DYNC2H1: variants seen among roughly 807,000 people sequenced by gnomAD.
The protein encoded by DYNC2H1 is cytoplasmic dynein 2 heavy chain 1.
In DYNC2H1, 410 loss-of-function variants were observed where a neutral mutation model predicts 570.0. The ratio of observed to expected loss-of-function variants is 0.72; its 90% CI spans 0.66 to 0.78. DYNC2H1 has a LOEUF of 0.78. Ranked by LOEUF, DYNC2H1 falls within the 30% of genes least tolerant of loss-of-function variation. DYNC2H1 has a pLI of 0.00. For missense variants in DYNC2H1, 4,865 were observed against 5,046.4 expected, an observed-to-expected ratio of 0.96 and a Z score of 1.09; for synonymous variants, 1,688 against 1,677.6, an observed-to-expected ratio of 1.01 and a Z score of -0.15.
chr11:103,414,438 G>A (rs1216028457), intron 84 of DYNC2H1, among the ~76,000 whole-genome samples: 1 of 152,094 alleles, frequency 6.6e-6, no homozygotes, highest in Non-Finnish European at 1.5e-5. Context: ...GACCAACATG[G>A]TGAAACCCTG....
chr11:103,405,652 G>A (rs1046673644), intron 84 of DYNC2H1: 1 of 152,008 alleles, frequency 6.6e-6, no homozygotes, highest in African/African-American at 2.4e-5. Context: ...TAATACAAAT[G>A]CGTGGGTTGT....
rs1248804601 is a variant in DYNC2H1 at position 103,465,338 on chromosome 11, A to G, written c.12649-3251A>G. Among the ~76,000 whole-genome samples the G allele has an allele frequency of 6.6e-6, 1 of 152,220 alleles. No homozygotes were observed. Among genetic ancestry groups the G allele is most frequent in the African/African-American group, 2.4e-5 (1 of 41,464 alleles). On this transcript the variant is annotated intron_variant, in intron 87 of 88. Coordinates refer to ENST00000375735, the MANE Select transcript of DYNC2H1 (RefSeq NM_001377.3). The surrounding 1 kb of genome is among the most constrained non-coding windows in gnomAD (Gnocchi z 4.9). ...GGAAAAATACAAGAAAGAAGAACTTAATGGTGAAAATGTCCTGTTTACATA... is the reference window on the plus strand; with the variant it reads ...GGAAAAATACAAGAAAGAAGAACTTGATGGTGAAAATGTCCTGTTTACATA...
In DYNC2H1 at chr11:103,255,547, C is replaced by T; in HGVS notation, c.10326+13C>T. The T allele has an allele frequency of 6.6e-7, 1 of 1,515,916 alleles. No individual in the cohort carries two copies. Among genetic ancestry groups the T allele is most frequent in the Non-Finnish European group, 8.8e-7 (1 of 1,135,464 alleles). 93.9% of individuals were successfully genotyped at this position (1,515,916 alleles called of 1,614,324 possible). On this transcript the variant is annotated intron_variant, in intron 67 of 88. Transcript: ENST00000375735. ...ATCTCTTCTAGAGGTAAAAGTCTAG[C>T]TATTTAGGTTACTTTTTTCGTATTA...
chr11:103,205,225 C>A lies in DYNC2H1; in HGVS notation c.8454+261C>A, dbSNP rs1007704481. Among the ~76,000 whole-genome samples the A allele has an allele frequency of 1.3e-5, 2 of 151,826 alleles. No homozygotes were observed. The highest frequency in any genetic ancestry group is 4.8e-5 in the African/African-American group (2 of 41,360). ...AAATTTTATGGCTTTAATTAACTAG[C>A]CTATTACAGGCTGTCCTAGATTTTT... On this transcript the variant is annotated intron_variant, in intron 52 of 88. Transcript: ENST00000375735. This position sits in a 1 kb window ranked among gnomAD's most constrained non-coding sequence, Gnocchi z 4.5.
At chr11:103,160,792 A>G (rs1025143551) in intron 28 of DYNC2H1, 140 bp from the exon 29 acceptor site, 15 of 413,900 alleles carry the variant, frequency 3.6e-5, no homozygotes, top group Non-Finnish European at 5.6e-5. Context: ...CACTAGGAGC[A>G]CTATATATTA....
chr11:103,410,296 T>TTTGA lies in DYNC2H1; in HGVS notation c.12366+10427_12366+10430dup, dbSNP rs374537387. ...TTACTGCTAAATCCTCCTTGAGTCT[T>TTTGA]TTGATTTCATAAAGGTTGTCGTGAG... On this transcript the variant is annotated intron_variant, in intron 84 of 88. Coordinates refer to ENST00000375735, the MANE Select transcript of DYNC2H1 (RefSeq NM_001377.3). 1.3e-3 allele frequency among the ~76,000 whole-genome samples: 202 copies of TTTGA among 152,248 alleles called. 3 individuals carry two copies. The highest frequency in any genetic ancestry group is 4.5e-3 in the African/African-American group (185 of 41,562).
intron 18 of DYNC2H1, among the ~76,000 whole-genome samples, chr11:103,146,986 A>G (rs1860273229): frequency 6.6e-6 from 1 of 152,188 alleles, no homozygotes; most frequent in Non-Finnish European, 1.5e-5. Flanking sequence ...AATTATAGGT[A>G]TATATAAAAA....
intron 65 of DYNC2H1, among the ~76,000 whole-genome samples, chr11:103,246,947 C>T (rs1460179454): frequency 2.0e-5 from 3 of 151,554 alleles, no homozygotes; most frequent in Non-Finnish European, 2.9e-5. Flanking sequence ...ATTTATTGAT[C>T]GTAGAAAAGC....
rs1244135116 is a variant in DYNC2H1, at chr11:103,209,777, GA to G, written c.8455-95del. The G allele has an allele frequency of 5.5e-6, 5 of 901,258 alleles. No individual in the cohort carries two copies. The highest frequency in any genetic ancestry group is 7.5e-6 in the Non-Finnish European group (5 of 669,876). 55.8% of individuals were successfully genotyped at this position (901,258 alleles called of 1,614,324 possible). On this transcript the variant is annotated intron_variant, in intron 52 of 88. Transcript: ENST00000375735. This position sits in a 1 kb window ranked among gnomAD's most constrained non-coding sequence, Gnocchi z 4.2. ...TCTTAGTCTGGAATGAATCCTAGAA[GA>G]AAAGTACAATCAATACTGACTTTTT...
Position 103,177,555 on chromosome 11 carries a change from G to A in DYNC2H1, c.5875-1G>A. 1.3e-6 allele frequency: 2 copies of A among 1,599,488 alleles called. No individual in the cohort carries two copies. The highest frequency in any genetic ancestry group is 1.7e-6 in the Non-Finnish European group (2 of 1,176,386). On this transcript the variant is annotated splice_acceptor_variant, in intron 37 of 88. Coordinates refer to ENST00000375735, the MANE Select transcript of DYNC2H1 (RefSeq NM_001377.3). LOFTEE classifies it high-confidence loss of function. The surrounding 1 kb of genome is among the most constrained non-coding windows in gnomAD (Gnocchi z 4.4). ...ATATGAACATATTTCTTTCCTACTA[G>A]ATCAAAAAGGCTTTAGAATTGTATG...
rs766559093 is a variant in DYNC2H1 at position 103,168,851 on chromosome 11, C to A, written c.4859C>A (p.Thr1620Lys). ...CAGTTAAACCAAATTCAGGTTCATACAACTGAAGACTGGGCTTGGAAAAAA... is the reference window on the plus strand; with the variant it reads ...CAGTTAAACCAAATTCAGGTTCATAAAACTGAAGACTGGGCTTGGAAAAAA... ...VKQLNQIQVH[T>K]TEDWAWKKQL... Residue 1620 changes from threonine (T) to lysine (K), a missense_variant, in exon 32 of 89, where the codon ACA becomes AAA. Around this residue, in one of 5 missense-constraint regions of DYNC2H1, gnomAD observed 1,936 missense variants for 1,962.1 expected, o/e 0.99. Transcript: ENST00000375735. 1.9e-6 allele frequency: 3 copies of A among 1,613,184 alleles called. No homozygotes were observed. The highest frequency in any genetic ancestry group is 2.5e-6 in the Non-Finnish European group (3 of 1,179,466).
intron 83 of DYNC2H1, among the ~76,000 whole-genome samples, chr11:103,365,806 G>A (rs946303718): frequency 2.0e-5 from 3 of 152,204 alleles, no homozygotes; most frequent in African/African-American, 7.2e-5. Flanking sequence ...GCTATGTTCA[G>A]ATTGGTTGAA....
chr11:103,223,375 T>G (rs998360274), intron 59 of DYNC2H1, among the ~76,000 whole-genome samples: 1 of 152,066 alleles, frequency 6.6e-6, no homozygotes, highest in Non-Finnish European at 1.5e-5. Flanking sequence ...GAATTTTTTT[T>G]GTTGTTGTCG....
chr11:103,123,307 A>G (rs1858818897), intron 11 of DYNC2H1, among the ~76,000 whole-genome samples: 2 of 152,076 alleles, frequency 1.3e-5, no homozygotes, highest in South Asian at 2.1e-4. Flanking sequence ...GTTTACATTA[A>G]TATTATATGC....
At chr11:103,367,690 T>C (rs1045339897) in intron 83 of DYNC2H1, among the ~76,000 whole-genome samples, 1 of 152,162 alleles carries the variant, frequency 6.6e-6, no homozygotes, top group South Asian at 2.1e-4. Flanking sequence ...TGCTGGGCAA[T>C]AGAACACCAA....
Position 103,241,648 on chromosome 11 carries a change from A to G in DYNC2H1, c.9820-2045A>G, listed in dbSNP as rs112303712. ...TGAATGCTAGCATAAAATTAGATCA[A>G]AAACCTAGGTGCAGCACCATGGTAA... On this transcript the variant is annotated intron_variant, in intron 63 of 88. Transcript: ENST00000375735. This position sits in a 1 kb window ranked among gnomAD's most constrained non-coding sequence, Gnocchi z 5.1. 21 of 981,880 alleles carry G rather than the reference A, an allele frequency of 2.1e-5. No homozygotes were observed. The highest frequency in any genetic ancestry group is 1.6e-4 in the African/African-American group (10 of 61,070). The allele number at this position is 981,880 out of a possible 1,614,324, so 60.8% of individuals were successfully genotyped here.
chr11:103,152,034 T>TA (rs1860573635), intron 20 of DYNC2H1, 102 bp from the exon 21 acceptor site: 1 of 1,257,422 alleles, frequency 8.0e-7, no homozygotes, highest in Admixed American at 2.8e-5. Context: ...AATCTTAATT[T>TA]AAAAAATAAA....
chr11:103,465,564 G>T lies in DYNC2H1; in HGVS notation c.12649-3025G>T, dbSNP rs907138762. Among the ~76,000 whole-genome samples the T allele has an allele frequency of 6.6e-6, 1 of 151,904 alleles. No individual in the cohort carries two copies. The highest frequency in any genetic ancestry group is 2.4e-5 in the African/African-American group (1 of 41,358). ...TTTATTATTTTCTCACAATTCTGTG[G>T]GTTGCCTAGTAGATCCTTTGCTGAT... On this transcript the variant is annotated intron_variant, in intron 87 of 88. Transcript: ENST00000375735. This position sits in a 1 kb window ranked among gnomAD's most constrained non-coding sequence, Gnocchi z 4.9.
intron 84 of DYNC2H1, among the ~76,000 whole-genome samples, chr11:103,428,816 TTTTC>T (rs773513860): frequency 5.3e-5 from 8 of 152,140 alleles, no homozygotes; most frequent in South Asian, 2.1e-4. Context: ...ATCAATTTTT[TTTTC>T]TTTTTTAAGG....
Sources: gnomAD v4.1 joint callset for allele counts (sites outside exome capture counted in the v4.1 genomes callset) on GRCh38, gnomAD v4.1.1 for gene constraint, gnomAD v4.1.1 regional missense constraint, Gnocchi (gnomAD v3.1) non-coding constraint, MANE v1.5 for transcripts, NCBI Gene and HGNC (gene_info 2026-07-23, HGNC 2026-07-21) for gene names.